The following SMS variants were observed in gnomAD, a reference collection of about 807,000 sequenced individuals.
SMS encodes spermidine aminopropyltransferase.
In SMS, 3 loss-of-function variants were observed where a neutral mutation model predicts 33.0. That is an observed-to-expected ratio of 0.09 (90% CI 0.04 to 0.23). SMS has a LOEUF of 0.23. Ranked by LOEUF, SMS falls within the 10% of genes least tolerant of loss-of-function variation. The probability of loss-of-function intolerance (pLI) is 1.00; values close to 1 mark genes in which losing one functional copy is unlikely to be tolerated. For missense variants in SMS, 117 were observed against 288.6 expected (o/e 0.41, Z 4.31); for synonymous variants, 103 against 112.2 (o/e 0.92, Z 0.52).
chrX:21,994,199 C>G, intron 10 of SMS, 113 bp from the exon 11 acceptor site: 2 of 728,974 alleles, frequency 2.7e-6, no homozygotes, highest in Non-Finnish European at 4.3e-6. Context: ...CCACAGTGCT[C>G]TAAGCCATGA....
At chrX:21,953,980 T>G (rs1000306696) in intron 1 of SMS, among the ~76,000 whole-genome samples, 16 of 109,704 alleles carry the variant, frequency 1.5e-4, no homozygotes, top group Non-Finnish European at 2.8e-4. Context: ...GGATTAGGAA[T>G]TTGAGATTTT....
At chrX:21,971,142 G>A (rs1322280446) in intron 2 of SMS, among the ~76,000 whole-genome samples, 2 of 108,821 alleles carry the variant, frequency 1.8e-5, no homozygotes, top group Non-Finnish European at 3.8e-5. Flanking sequence ...GCTGCAGTGA[G>A]CCGAGATCAT....
intron 7 of SMS, among the ~76,000 whole-genome samples, chrX:21,982,249 A>G (rs1925006140): frequency 9.3e-6 from 1 of 107,038 alleles, no homozygotes; most frequent in South Asian, 4.3e-4. Context: ...GAGGCAGGAG[A>G]ATGGCGTGAA....
intron 9 of SMS, among the ~76,000 whole-genome samples, chrX:21,989,494 T>C (rs903213763): frequency 1.8e-5 from 2 of 111,981 alleles, no homozygotes; most frequent in African/African-American, 6.5e-5. Context: ...AATCATTGGC[T>C]AAAATCTGTT....
chrX:21,981,363 A>G (rs113230438), intron 7 of SMS, among the ~76,000 whole-genome samples: 10 of 111,195 alleles, frequency 9.0e-5, no homozygotes, highest in African/African-American at 2.9e-4. Flanking sequence ...ATTTATTATG[A>G]GTAATCCCAA....
intron 4 of SMS, among the ~76,000 whole-genome samples, chrX:21,976,073 C>T: frequency 9.0e-6 from 1 of 110,611 alleles, no homozygotes; most frequent in Non-Finnish European, 1.9e-5. Flanking sequence ...CTTTTTTTTC[C>T]TGTCATTTAG....
intron 2 of SMS, among the ~76,000 whole-genome samples, chrX:21,971,319 G>A (rs1924145234): frequency 9.0e-6 from 1 of 111,238 alleles, no homozygotes; most frequent in Admixed American, 9.5e-5. Context: ...AGAAAATTTT[G>A]TGTAAAGGTT....
intron 9 of SMS, among the ~76,000 whole-genome samples, chrX:21,988,662 C>CAAAAAAAAAAAAAAAAAAAAAAAAAAAA (rs199561897): frequency 4.5e-5 from 3 of 66,156 alleles, no homozygotes; most frequent in Non-Finnish European, 5.7e-5. Context: ...GACTCTGTCT[C>CAAAAAAAAAAAAAAAAAAAAAAAAAAAA]AAAAAAAAAA....
intron 1 of SMS, among the ~76,000 whole-genome samples, chrX:21,966,002 C>T (rs751333854): frequency 1.8e-5 from 2 of 111,562 alleles, no homozygotes; most frequent in South Asian, 7.5e-4. Flanking sequence ...CATATCTGTC[C>T]ACTTTGGCCT....
At chrX:21,954,983 CCCACTA>C (rs1235449258) in intron 1 of SMS, among the ~76,000 whole-genome samples, 1 of 110,609 alleles carries the variant, frequency 9.0e-6, no homozygotes, top group African/African-American at 3.3e-5. Flanking sequence ...ATTACAGGCA[CCCACTA>C]CCACAGCGGG....
At chrX:21,941,698 A>G (rs1315213688) in intron 1 of SMS, among the ~76,000 whole-genome samples, 1 of 107,705 alleles carries the variant, frequency 9.3e-6, no homozygotes, top group East Asian at 2.9e-4. Context: ...CAGCCTAGCC[A>G]ACATGGTGAA....
At chrX:21,954,202 A>C (rs371771180) in intron 1 of SMS, among the ~76,000 whole-genome samples, 1 of 112,159 alleles carries the variant, frequency 8.9e-6, no homozygotes, top group African/African-American at 3.2e-5. Flanking sequence ...AATGTTCTGA[A>C]GTCCTTGGAC....
chrX:21,955,505 C>A (rs188412469), intron 1 of SMS, among the ~76,000 whole-genome samples: 73 of 112,145 alleles, frequency 6.5e-4, no homozygotes, highest in African/African-American at 2.3e-3. Flanking sequence ...CAGATGCATT[C>A]CTGAGTCATC....
chrX:21,985,860 A>G (rs1323336334), intron 9 of SMS, among the ~76,000 whole-genome samples: 1 of 110,832 alleles, frequency 9.0e-6, no homozygotes, highest in Non-Finnish European at 1.9e-5. Context: ...CCATTTCTAC[A>G]AAAAGTTTAA....
At chrX:21,944,999 A>C (rs73195166) in intron 1 of SMS, among the ~76,000 whole-genome samples, 3 of 111,640 alleles carry the variant, frequency 2.7e-5, no homozygotes, top group African/African-American at 9.8e-5. Flanking sequence ...CCCGCACACA[A>C]AAACAGTGGT....
chrX:21,951,925 A>C, intron 1 of SMS, among the ~76,000 whole-genome samples: 1 of 111,830 alleles, frequency 8.9e-6, no homozygotes, highest in East Asian at 2.8e-4. Flanking sequence ...GTAAAGAAAG[A>C]GGGGATACAA....
chrX:21,970,278 G>A (rs780118523), intron 2 of SMS, among the ~76,000 whole-genome samples: 2 of 110,637 alleles, frequency 1.8e-5, no homozygotes, highest in Non-Finnish European at 3.8e-5. Flanking sequence ...CCCTGCCCCC[G>A]GACCCCAGGC....
At chrX:21,950,937 T>C in intron 1 of SMS, among the ~76,000 whole-genome samples, 1 of 112,046 alleles carries the variant, frequency 8.9e-6, no homozygotes, top group East Asian at 2.8e-4. Context: ...GTAGAATGAT[T>C]TATAATCTTT....
At chrX:21,982,964 A>G (rs1371300072) in intron 7 of SMS, among the ~76,000 whole-genome samples, 1 of 112,394 alleles carries the variant, frequency 8.9e-6, no homozygotes, top group African/African-American at 3.2e-5. Flanking sequence ...TCTTAAAATT[A>G]TAACTGTGAG....
Sources: gnomAD v4.1 joint callset for allele counts (sites outside exome capture counted in the v4.1 genomes callset) on GRCh38, gnomAD v4.1.1 for gene constraint, MANE v1.5 for transcripts, NCBI Gene and HGNC (gene_info 2026-07-23, HGNC 2026-07-21) for gene names.